The following OSMR variants were observed in gnomAD, a reference collection of about 807,000 sequenced individuals.
OSMR encodes the protein oncostatin-M-specific receptor subunit beta.
Under a neutral mutation model 99.9 loss-of-function variants are expected in OSMR, and 81 were observed. That is an observed-to-expected ratio of 0.81 (90% CI 0.68 to 0.97). OSMR has a LOEUF of 0.97. Ranked by LOEUF, OSMR falls within the 50% of genes least tolerant of loss-of-function variation. The pLI is 0.00. For missense variants in OSMR, 1,099 were observed against 1,153.4 expected (o/e 0.95, Z 0.68); for synonymous variants, 406 against 410.4 (o/e 0.99, Z 0.13).
intron 12 of OSMR, 60 bp downstream of exon 12, chr5:38,921,854 G>GGATTTC: frequency 1.4e-6 from 2 of 1,417,442 alleles, no homozygotes; most frequent in East Asian, 4.6e-5. Context: ...AGTTCAAGTG[G>GGATTTC]GATTTCTGGA....
chr5:38,934,291 CT>C lies in OSMR; in HGVS notation c.*848del, dbSNP rs1370371021. ...CTTTCAAGAACTATATATAAATGAC[CT>C]GTTTTCACTTAGCATCCTTTGGACT... On this transcript the variant is annotated 3_prime_UTR_variant, in exon 18 of 18. Transcript: ENST00000274276. 6.6e-6 allele frequency: 1 copy of C among 152,504 alleles called. No homozygotes were observed. The highest frequency in any genetic ancestry group is 1.5e-5 in the Non-Finnish European group (1 of 68,022). 9.4% of individuals were successfully genotyped at this position (152,504 alleles called of 1,614,324 possible).
At chr5:38,911,771 T>C (rs1745605643) in intron 9 of OSMR, among the ~76,000 whole-genome samples, 1 of 152,236 alleles carries the variant, frequency 6.6e-6, no homozygotes, top group Admixed American at 6.5e-5. Context: ...CGCAAATCAC[T>C]AAATGTGATT....
chr5:38,904,057 A>G, intron 8 of OSMR, 33 bp downstream of exon 8: 1 of 1,611,328 alleles, frequency 6.2e-7, no homozygotes, highest in Non-Finnish European at 8.5e-7. Context: ...TATTTTCAAA[A>G]ATTCTTTTTT....
chr5:38,872,952 A>G (rs754214120), intron 2 of OSMR, among the ~76,000 whole-genome samples: 3 of 152,246 alleles, frequency 2.0e-5, no homozygotes, highest in Non-Finnish European at 4.4e-5. Context: ...ATGAGTAATT[A>G]GTGACATTGA....
In OSMR at chr5:38,924,535, GTC is replaced by G; in HGVS notation, c.1986_1987del (p.Tyr663SerfsTer13). The G allele has an allele frequency of 1.2e-6, 2 of 1,614,132 alleles. No individual in the cohort carries two copies. The highest frequency in any genetic ancestry group is 1.7e-6 in the Non-Finnish European group (2 of 1,179,982). On this transcript the variant is annotated frameshift_variant, in exon 14 of 18. Coordinates refer to ENST00000274276, the MANE Select transcript of OSMR (RefSeq NM_003999.3). LOFTEE classifies it high-confidence loss of function. ...ACCTGGTTTTATACAAGGGTACCAT[GTC>G]TATCTGAAATCCAAGGCGAGGCAGT... is the stretch of plus-strand genomic sequence containing the variant. ...SQPGFIQGYH[V>X]YLKSKARQCH...
At chr5:38,885,959 C>T (rs1289718540) in intron 6 of OSMR, 80 bp from the exon 7 acceptor site, 3 of 1,574,334 alleles carry the variant, frequency 1.9e-6, no homozygotes, top group African/African-American at 2.7e-5. Context: ...CTGAGTATGC[C>T]CTGAGGGATA....
At chr5:38,904,733 T>G (rs755589882) in intron 9 of OSMR, among the ~76,000 whole-genome samples, 18 of 152,214 alleles carry the variant, frequency 1.2e-4, no homozygotes, top group Non-Finnish European at 2.5e-4. Context: ...TCTCTTACCT[T>G]TCATTTTCCC....
At position 38,861,294 on chromosome 5, in the gene OSMR, G is replaced by T. The variant is rs1741280516; in HGVS notation, c.-13-7738G>T. 2.0e-5 allele frequency among the ~76,000 whole-genome samples: 3 copies of T among 152,108 alleles called. No individual in the cohort carries two copies. In the South Asian group the frequency reaches 6.2e-4, roughly 32 times the overall value. On this transcript the variant is annotated intron_variant, in intron 1 of 17. Coordinates refer to ENST00000274276, the MANE Select transcript of OSMR (RefSeq NM_003999.3). ...CCTTCCGCAGTGTTTGTGTCCCTGGGTACTTGAGATTAGGGAGTGGTGATG... is the reference window on the plus strand; with the variant it reads ...CCTTCCGCAGTGTTTGTGTCCCTGGTTACTTGAGATTAGGGAGTGGTGATG...
downstream of OSMR, among the ~76,000 whole-genome samples, chr5:38,936,434 C>T (rs1233483822): frequency 1.3e-5 from 2 of 152,156 alleles, no homozygotes; most frequent in South Asian, 2.1e-4. Context: ...CCTTTACATC[C>T]TGCGTCAGCC....
chr5:38,854,434 A>G (rs894579235), intron 1 of OSMR, among the ~76,000 whole-genome samples: 1 of 152,224 alleles, frequency 6.6e-6, no homozygotes, highest in Admixed American at 6.5e-5. Context: ...AGGGATTTTC[A>G]TAAGCATCTT....
At chr5:38,848,859 G>C (rs555373097) in intron 1 of OSMR, among the ~76,000 whole-genome samples, 14 of 151,936 alleles carry the variant, frequency 9.2e-5, no homozygotes, top group Admixed American at 5.2e-4. Context: ...CTGCAGCCTC[G>C]ACCTTCTGGG....
intron 1 of OSMR, among the ~76,000 whole-genome samples, chr5:38,863,019 TCAGGCGTGGCGG>T (rs2112168766): frequency 6.6e-6 from 1 of 151,560 alleles, no homozygotes; most frequent in African/African-American, 2.4e-5. Flanking sequence ...CAAAAACCAG[TCAGGCGTGGCGG>T]CGTGCGCCTG....
At chr5:38,857,020 C>G (rs1031115763) in intron 1 of OSMR, among the ~76,000 whole-genome samples, 3 of 152,186 alleles carry the variant, frequency 2.0e-5, no homozygotes, top group African/African-American at 7.2e-5. Flanking sequence ...TGTAAATACT[C>G]ATGTCTTTCC....
chr5:38,875,019 T>C (rs1474868934), intron 2 of OSMR, among the ~76,000 whole-genome samples: 1 of 152,238 alleles, frequency 6.6e-6, no homozygotes, highest in Non-Finnish European at 1.5e-5. Context: ...ACTGTTTCCA[T>C]TGTTTATTAT....
intron 2 of OSMR, among the ~76,000 whole-genome samples, chr5:38,869,985 A>G (rs1742255664): frequency 6.6e-6 from 1 of 152,166 alleles, no homozygotes; most frequent in African/African-American, 2.4e-5. Flanking sequence ...TGCGGGGAAT[A>G]TGCATAGAAT....
chr5:38,901,702 A>G (rs761506392), intron 7 of OSMR, among the ~76,000 whole-genome samples: 3 of 152,102 alleles, frequency 2.0e-5, no homozygotes, highest in Non-Finnish European at 4.4e-5. Context: ...GCGTGCATGG[A>G]GGTTTTGGAC....
rs2112762286 is a variant in OSMR at position 38,940,670 on chromosome 5, T to C, written c.75-3531T>C. ...TGTTATAATGTAAGTTGCTACACAG[T>C]GCACATAAGAACAATTCACTGAAGT... On this transcript the variant is annotated intron_variant and NMD_transcript_variant, in intron 1 of 2. Coordinates refer to the OSMR transcript ENST00000508882. 1.3e-5 allele frequency: 3 copies of C among 232,934 alleles called. 1 individual carries two copies. The highest frequency in any genetic ancestry group is 5.6e-5 in the Admixed American group (1 of 17,776). The allele number at this position is 232,934 out of a possible 1,614,324, so 14.4% of individuals were successfully genotyped here.
chr5:38,873,832 C>T (rs772204460), intron 2 of OSMR, among the ~76,000 whole-genome samples: 109 of 151,666 alleles, frequency 7.2e-4, no homozygotes, highest in Non-Finnish European at 1.3e-3. Flanking sequence ...TTATTTTATT[C>T]TATTTTATTT....
chr5:38,918,474 T>C (rs552942723), intron 10 of OSMR, among the ~76,000 whole-genome samples: 1 of 152,154 alleles, frequency 6.6e-6, no homozygotes, highest in Non-Finnish European at 1.5e-5. Context: ...AGGCTCCTCC[T>C]GCAGGGTCCC....
Sources: gnomAD v4.1 joint callset for allele counts (sites outside exome capture counted in the v4.1 genomes callset) on GRCh38, gnomAD v4.1.1 for gene constraint, MANE v1.5 for transcripts, NCBI Gene and HGNC (gene_info 2026-07-23, HGNC 2026-07-21) for gene names.